TMEM50A: variants seen among roughly 807,000 people sequenced by gnomAD.
TMEM50A encodes cervical cancer oncogene 9.
TMEM50A carries 8 observed loss-of-function variants against 23.9 expected under a neutral mutation model. The observed-to-expected ratio is 0.33, with a 90% CI of 0.20 to 0.60. TMEM50A has a LOEUF of 0.60. TMEM50A is among the 20% of genes least tolerant of loss of function. TMEM50A has a pLI of 0.81. For synonymous variants in TMEM50A, 55 were observed against 60.4 expected (o/e 0.91, Z 0.41); for missense variants, 178 against 192.7 (o/e 0.92, Z 0.45).
At chr1:25,344,597 C>G (rs750210112) in intron 3 of TMEM50A, among the ~76,000 whole-genome samples, 7 of 151,500 alleles carry the variant, frequency 4.6e-5, no homozygotes, top group African/African-American at 1.7e-4. Flanking sequence ...CCAGGCTGGT[C>G]TTGAACTCCT....
rs1371476991 is a variant in TMEM50A at position 25,352,906 on chromosome 1, G to C, written c.299G>C (p.Gly100Ala). 6.2e-7 allele frequency: 1 copy of C among 1,613,456 alleles called. No individual in the cohort carries two copies. Among genetic ancestry groups the C allele is most frequent in the South Asian group, 1.1e-5 (1 of 90,934 alleles). ...QTGARIWLFV[G>A]FMLAFGSLIA... Reference sequence around the variant, plus strand: ...GGTGCTCGCATTTGGCTTTTCGTTGGTTTCATGTTGGCCTTTGGATCTCTG... The same window carrying C: ...GGTGCTCGCATTTGGCTTTTCGTTGCTTTCATGTTGGCCTTTGGATCTCTG... The change falls in exon 5 of 7, where the codon GGT becomes GCT. Residue 100 changes from glycine (G) to alanine (A), a missense_variant. Physicochemically the swap from Gly to Ala is moderately conservative, Grantham distance 60 (BLOSUM62 0). Transcript: ENST00000374358.
At chr1:25,348,489 A>G (rs754751265) in intron 3 of TMEM50A, among the ~76,000 whole-genome samples, 10 of 152,124 alleles carry the variant, frequency 6.6e-5, no homozygotes, top group Non-Finnish European at 7.4e-5. Context: ...GATCGAGACC[A>G]TCCTGGCCAA....
chr1:25,345,349 G>C (rs889191989), intron 3 of TMEM50A, among the ~76,000 whole-genome samples: 1 of 152,180 alleles, frequency 6.6e-6, no homozygotes. Context: ...GGGAGGCCGA[G>C]GCAGGCAGAT....
At chr1:25,355,905 G>A (rs556895818) in intron 5 of TMEM50A, among the ~76,000 whole-genome samples, 39 of 152,302 alleles carry the variant, frequency 2.6e-4, no homozygotes, top group Middle Eastern at 3.4e-3. Flanking sequence ...GATGGTGAAG[G>A]CCTGTCAAAG....
intron 3 of TMEM50A, among the ~76,000 whole-genome samples, chr1:25,351,038 C>T (rs138523304): frequency 9.2e-5 from 14 of 151,954 alleles, no homozygotes; most frequent in Non-Finnish European, 1.8e-4. Flanking sequence ...GTGGTGCATG[C>T]CTGTAGTCCC....
chr1:25,342,943 G>T lies in TMEM50A; in HGVS notation c.94-18G>T. The T allele has an allele frequency of 6.3e-7, 1 of 1,599,192 alleles. No homozygotes were observed. Among genetic ancestry groups the T allele is most frequent in the Non-Finnish European group, 8.5e-7 (1 of 1,169,754 alleles). On this transcript the variant is annotated intron_variant, in intron 2 of 6. Coordinates refer to ENST00000374358, the MANE Select transcript of TMEM50A (RefSeq NM_014313.4). ...ACAGAATTGCTATGATTTCTCATTG[G>T]TATCACCTTTGTTTTAGTTTTTTAC...
At chr1:25,349,685 G>A (rs1446609829) in intron 3 of TMEM50A, among the ~76,000 whole-genome samples, 1 of 152,064 alleles carries the variant, frequency 6.6e-6, no homozygotes, top group African/African-American at 2.4e-5. Context: ...AAAGTCCCGG[G>A]CTTAAGCAAT....
rs142517016 is a variant in TMEM50A at position 25,350,059 on chromosome 1, T to C, written c.207-1567T>C. Among the ~76,000 whole-genome samples the C allele has an allele frequency of 3.1e-3, 477 of 152,352 alleles. 1 individual carries two copies. The highest frequency in any genetic ancestry group is 0.031 in the Middle Eastern group (9 of 294). On this transcript the variant is annotated intron_variant, in intron 3 of 6. Coordinates refer to ENST00000374358, the MANE Select transcript of TMEM50A (RefSeq NM_014313.4). ...AAGAGTTAGTAAAACACCTTATGTT[T>C]AGAGCCTGTATCAAGGATTTAAAAA...
chr1:25,343,092 G>A lies in TMEM50A; in HGVS notation c.206+19G>A. The A allele has an allele frequency of 6.4e-7, 1 of 1,571,302 alleles. No homozygotes were observed. The highest frequency in any genetic ancestry group is 1.4e-5 in the African/African-American group (1 of 73,600). ...TCCTAATGTAAGTGTCATCGTAATTGGCATTACTTACATAGCTTGCCACAA... is the reference window on the plus strand; with the variant it reads ...TCCTAATGTAAGTGTCATCGTAATTAGCATTACTTACATAGCTTGCCACAA... On this transcript the variant is annotated intron_variant, in intron 3 of 6. Coordinates refer to ENST00000374358, the MANE Select transcript of TMEM50A (RefSeq NM_014313.4).
chr1:25,339,464 G>A (rs1645143958), intron 1 of TMEM50A, among the ~76,000 whole-genome samples: 1 of 152,150 alleles, frequency 6.6e-6, no homozygotes, highest in Non-Finnish European at 1.5e-5. Context: ...ATATAGAAAT[G>A]ACACCAAAAG....
intron 6 of TMEM50A, among the ~76,000 whole-genome samples, chr1:25,357,814 A>G (rs1244119968): frequency 6.9e-6 from 1 of 144,842 alleles, no homozygotes; most frequent in East Asian, 2.0e-4. Context: ...TTTTTTTTGT[A>G]TTTTTAGTAG....
intron 3 of TMEM50A, among the ~76,000 whole-genome samples, chr1:25,347,025 A>G (rs190562006): frequency 1.3e-5 from 2 of 152,184 alleles, no homozygotes; most frequent in Admixed American, 6.5e-5. Context: ...TCTCAAAACA[A>G]ACAAACAAAC....
chr1:25,360,348 C>CAA (rs766272933), intron 6 of TMEM50A, among the ~76,000 whole-genome samples: 29 of 81,390 alleles, frequency 3.6e-4, no homozygotes, highest in African/African-American at 8.3e-4. Flanking sequence ...GACTCTGTCT[C>CAA]AAAAAAAAAA....
At chr1:25,347,901 C>A (rs1645235541) in intron 3 of TMEM50A, among the ~76,000 whole-genome samples, 1 of 152,186 alleles carries the variant, frequency 6.6e-6, no homozygotes, top group Non-Finnish European at 1.5e-5. Flanking sequence ...TTTTAGAAAG[C>A]TGACACCTAA....
intron 3 of TMEM50A, among the ~76,000 whole-genome samples, chr1:25,348,097 T>G (rs1193745216): frequency 6.6e-6 from 1 of 152,234 alleles, no homozygotes; most frequent in Non-Finnish European, 1.5e-5. Context: ...CTGCTAAACT[T>G]ACATTCTGTT....
At chr1:25,341,892 G>A (rs886224472) in intron 2 of TMEM50A, among the ~76,000 whole-genome samples, 2 of 145,822 alleles carry the variant, frequency 1.4e-5, no homozygotes, top group Non-Finnish European at 3.0e-5. Flanking sequence ...TGTTTTTTTT[G>A]TAGAGATGAG....
chr1:25,354,970 C>T (rs998268742), intron 5 of TMEM50A, among the ~76,000 whole-genome samples: 2 of 152,084 alleles, frequency 1.3e-5, no homozygotes, highest in African/African-American at 4.8e-5. Context: ...CAGGGTTCTG[C>T]CATGTTGGCC....
At chr1:25,355,896 A>ATGG (rs1451936919) in intron 5 of TMEM50A, among the ~76,000 whole-genome samples, 2 of 152,232 alleles carry the variant, frequency 1.3e-5, no homozygotes, top group Non-Finnish European at 2.9e-5. Context: ...AAAGCCCTAG[A>ATGG]TGGTGAAGGC....
intron 3 of TMEM50A, among the ~76,000 whole-genome samples, chr1:25,351,127 T>C (rs1376790616): frequency 1.4e-5 from 2 of 141,864 alleles, no homozygotes; most frequent in African/African-American, 5.4e-5. Flanking sequence ...ATCGTGCCAC[T>C]ACACTATAGC....
Sources: allele counts gnomAD v4.1 joint callset (sites outside exome capture counted in the v4.1 genomes callset), GRCh38; gene constraint gnomAD v4.1.1; transcripts MANE v1.5; gene names NCBI Gene and HGNC (gene_info 2026-07-23, HGNC 2026-07-21).